Variants in VRK2 observed in about 807,000 individuals in gnomAD.
VRK2 encodes the protein VRK serine/threonine kinase 2, also known as serine/threonine-protein kinase VRK2.
A neutral mutation model predicts 57.6 loss-of-function variants in VRK2; 60 were observed. The observed-to-expected ratio is 1.04, with a 90% CI of 0.85 to 1.29. The LOEUF (loss-of-function observed/expected upper bound fraction) is 1.29, where lower values mean the gene tolerates loss of function less well. VRK2 is among the 50% of genes most tolerant of loss of function. The pLI, the probability that VRK2 is intolerant of heterozygous loss-of-function variation, is 0.00. For missense variants in VRK2, 705 were observed against 588.1 expected (o/e 1.20, Z -2.06); for synonymous variants, 231 against 199.2 (o/e 1.16, Z -1.35).
At chr2:58,128,519 A>T (rs1558671698) in intron 8 of VRK2, among the ~76,000 whole-genome samples, 1 of 151,926 alleles carries the variant, frequency 6.6e-6, no homozygotes, top group Non-Finnish European at 1.5e-5. Flanking sequence ...TTTAGTAGAG[A>T]TGGGGTTTCG....
intron 1 of VRK2, among the ~76,000 whole-genome samples, chr2:57,917,416 C>A (rs1395328216): frequency 6.6e-6 from 1 of 151,384 alleles, no homozygotes; most frequent in East Asian, 1.9e-4. Context: ...CCTGAGATCT[C>A]AATATCTCTG....
At chr2:57,981,313 C>T (rs150747203) in intron 1 of VRK2, among the ~76,000 whole-genome samples, 19 of 152,238 alleles carry the variant, frequency 1.2e-4, no homozygotes, top group Admixed American at 3.3e-4. Context: ...TTTGGCCAGA[C>T]ATGTAATTCC....
At chr2:58,007,418 G>C (rs6545679) in intron 1 of VRK2, among the ~76,000 whole-genome samples, 32,972 of 151,294 alleles carry the variant, frequency 0.22, 6,115 homozygotes, top group African/African-American at 0.51. Context: ...ACCTCTTCCA[G>C]CCCGAGACAG....
intron 1 of VRK2, among the ~76,000 whole-genome samples, chr2:57,993,955 A>G (rs935837728): frequency 2.0e-5 from 3 of 152,266 alleles, no homozygotes; most frequent in Non-Finnish European, 2.9e-5. Flanking sequence ...AGCTTATGAA[A>G]GAAAGAAAAC....
chr2:57,937,618 A>C (rs1021447351), intron 1 of VRK2, among the ~76,000 whole-genome samples: 1 of 152,222 alleles, frequency 6.6e-6, no homozygotes, highest in African/African-American at 2.4e-5. Context: ...AAACAGACCC[A>C]GCGGTTTTGA....
chr2:58,026,154 T>C (rs920253363), intron 2 of VRK2, among the ~76,000 whole-genome samples: 5 of 152,176 alleles, frequency 3.3e-5, no homozygotes, highest in Non-Finnish European at 7.3e-5. Context: ...ATAATGGAGA[T>C]GTACAAAGTG....
chr2:58,087,816 G>A (rs561038530), intron 5 of VRK2, among the ~76,000 whole-genome samples: 3 of 152,156 alleles, frequency 2.0e-5, no homozygotes, highest in South Asian at 4.1e-4. Context: ...GTGAAACCCC[G>A]TCTCTACTAA....
chr2:57,922,454 T>TTGTGTGTGTGTGTGTGTGTG (rs59731064), intron 1 of VRK2, among the ~76,000 whole-genome samples: 1 of 146,958 alleles, frequency 6.8e-6, no homozygotes, highest in Non-Finnish European at 1.5e-5. Flanking sequence ...AGTTACCTTC[T>TTGTGTGTGTGTGTGTGTGTG]TGTGTGTGTG....
chr2:58,068,056 A>G (rs1452607039), intron 2 of VRK2, among the ~76,000 whole-genome samples: 1 of 151,914 alleles, frequency 6.6e-6, no homozygotes, highest in Non-Finnish European at 1.5e-5. Flanking sequence ...CAGCCTCTCA[A>G]GTAGCTGGCA....
At chr2:58,153,389 C>T (rs1215861102) in intron 12 of VRK2, among the ~76,000 whole-genome samples, 1 of 151,994 alleles carries the variant, frequency 6.6e-6, no homozygotes, top group African/African-American at 2.4e-5. Context: ...AAGCTCCCCT[C>T]CATTTCTAAT....
chr2:57,916,949 A>G (rs1273041209), intron 1 of VRK2, among the ~76,000 whole-genome samples: 2 of 152,230 alleles, frequency 1.3e-5, no homozygotes, highest in African/African-American at 4.8e-5. Flanking sequence ...TAGCGTATGT[A>G]AAGTACTATT....
intron 2 of VRK2, among the ~76,000 whole-genome samples, chr2:58,055,768 G>A (rs1676424892): frequency 6.6e-6 from 1 of 152,050 alleles, no homozygotes; most frequent in South Asian, 2.1e-4. Flanking sequence ...AGGAGATGAA[G>A]GGAAAACTCC....
chr2:57,927,916 T>C (rs553951523), intron 1 of VRK2, among the ~76,000 whole-genome samples: 30 of 152,368 alleles, frequency 2.0e-4, no homozygotes, highest in South Asian at 1.2e-3. Flanking sequence ...GCCAGATGTA[T>C]TGAAGTTCCT....
chr2:58,077,889 CAA>C (rs1350482402), intron 2 of VRK2, among the ~76,000 whole-genome samples: 2 of 152,118 alleles, frequency 1.3e-5, no homozygotes, highest in Non-Finnish European at 2.9e-5. Flanking sequence ...ATACTTCCAG[CAA>C]AGAGATAGCT....
At chr2:58,050,438 G>A (rs967091248) in intron 2 of VRK2, among the ~76,000 whole-genome samples, 2 of 152,178 alleles carry the variant, frequency 1.3e-5, no homozygotes, top group African/African-American at 2.4e-5. Flanking sequence ...ACAGCAAAGA[G>A]TTAAGATCTC....
At chr2:57,975,041 T>C (rs180700315) in intron 1 of VRK2, among the ~76,000 whole-genome samples, 10 of 152,112 alleles carry the variant, frequency 6.6e-5, no homozygotes, top group Non-Finnish European at 1.5e-4. Context: ...TATCATAAAT[T>C]ATAGAGATTA....
chr2:58,055,599 C>T (rs774366443), intron 2 of VRK2, among the ~76,000 whole-genome samples: 1 of 152,200 alleles, frequency 6.6e-6, no homozygotes, highest in African/African-American at 2.4e-5. Flanking sequence ...ATGAATATTT[C>T]TGTTCTCCAG....
intron 12 of VRK2, among the ~76,000 whole-genome samples, chr2:58,156,421 G>C (rs113119497): frequency 1.2e-4 from 18 of 152,190 alleles, no homozygotes; most frequent in African/African-American, 4.3e-4. Context: ...GAAAGGTTTT[G>C]TATGATTTCA....
At chr2:58,077,480 CT>C (rs1421855329) in intron 2 of VRK2, among the ~76,000 whole-genome samples, 1 of 151,970 alleles carries the variant, frequency 6.6e-6, no homozygotes, top group Non-Finnish European at 1.5e-5. Flanking sequence ...AAAAGTTAGA[CT>C]AGGCTGCAAA....
Sources: allele counts gnomAD v4.1 joint callset (sites outside exome capture counted in the v4.1 genomes callset), GRCh38; gene constraint gnomAD v4.1.1; transcripts MANE v1.5; gene names NCBI Gene and HGNC (gene_info 2026-07-23, HGNC 2026-07-21).